Variants in SHISA6 observed in about 807,000 individuals in gnomAD.
SHISA6 encodes shisa family member 6.
A neutral mutation model predicts 47.9 loss-of-function variants in SHISA6; 22 were observed. The observed-to-expected ratio is 0.46, with a 90% CI of 0.33 to 0.66. The LOEUF is 0.66. Ranked by LOEUF, SHISA6 falls within the 30% of genes least tolerant of loss-of-function variation. SHISA6 has a pLI of 0.02. For synonymous variants in SHISA6, 388 were observed against 337.8 expected (o/e 1.15, Z -1.63); for missense variants, 680 against 764.6 (o/e 0.89, Z 1.30).
Position 11,413,134 on chromosome 17 carries a change from G to A in SHISA6, c.895+33625G>A, listed in dbSNP as rs149993317. ...GATCTGTGGATGGGCACTCAGGAAT[G>A]AGTGAAAGCATGTACTTGGATTCCA... On this transcript the variant is annotated intron_variant, in intron 3 of 5. Coordinates refer to ENST00000441885, the MANE Select transcript of SHISA6 (RefSeq NM_207386.4). Among the ~76,000 whole-genome samples, 17 of 152,288 alleles carry A rather than the reference G, an allele frequency of 1.1e-4. No homozygotes were observed. In the East Asian group the frequency reaches 3.3e-3, roughly 29 times the overall value.
At chr17:11,407,356 A>G (rs1027809686) in intron 3 of SHISA6, among the ~76,000 whole-genome samples, 1 of 152,086 alleles carries the variant, frequency 6.6e-6, no homozygotes, top group African/African-American at 2.4e-5. Flanking sequence ...GCTCTAGTCT[A>G]TGCTGCCCTA....
intron 3 of SHISA6, among the ~76,000 whole-genome samples, chr17:11,461,562 C>T (rs1214961273): frequency 6.6e-6 from 1 of 152,122 alleles, no homozygotes; most frequent in African/African-American, 2.4e-5. Flanking sequence ...CAGGATAGGA[C>T]AAGAGGCAGA....
At chr17:11,517,777 T>G (rs1202761665) in intron 3 of SHISA6, among the ~76,000 whole-genome samples, 2 of 152,094 alleles carry the variant, frequency 1.3e-5, no homozygotes, top group Non-Finnish European at 2.9e-5. Context: ...GTACTGGGAT[T>G]TACAGGCTTG....
At chr17:11,521,084 G>C (rs980354576) in intron 3 of SHISA6, among the ~76,000 whole-genome samples, 2 of 151,990 alleles carry the variant, frequency 1.3e-5, no homozygotes, top group African/African-American at 4.8e-5. Flanking sequence ...TTAAAGCTTG[G>C]GTTCAAATTA....
At chr17:11,528,762 C>T (rs1230672508) in intron 3 of SHISA6, among the ~76,000 whole-genome samples, 1 of 152,192 alleles carries the variant, frequency 6.6e-6, no homozygotes, top group African/African-American at 2.4e-5. Flanking sequence ...GGGCAACAGA[C>T]TCCCATAACA....
chr17:11,335,474 A>G lies in SHISA6; in HGVS notation c.800-43940A>G, dbSNP rs1597463453. 2.0e-5 allele frequency among the ~76,000 whole-genome samples: 3 copies of G among 152,264 alleles called. No homozygotes were observed. In the South Asian group the frequency reaches 6.2e-4, roughly 32 times the overall value. On this transcript the variant is annotated intron_variant, in intron 2 of 5. Transcript: ENST00000441885. ...CTCCAAAGGCAGGAAGAGAGGAATG[A>G]ATTTCTGATTGGACAGAAACTGAGG... is the stretch of plus-strand genomic sequence containing the variant.
chr17:11,384,518 G>A (rs79372900), intron 3 of SHISA6, among the ~76,000 whole-genome samples: 4 of 152,106 alleles, frequency 2.6e-5, no homozygotes, highest in South Asian at 2.1e-4. Flanking sequence ...AACTCAGTCC[G>A]GCTGGTTGAT....
chr17:11,412,565 A>G (rs138318642), intron 3 of SHISA6, among the ~76,000 whole-genome samples: 38 of 151,180 alleles, frequency 2.5e-4, no homozygotes, highest in African/African-American at 7.3e-4. Context: ...TTTCTGAGAC[A>G]GAGTCTCACT....
At chr17:11,555,200 G>A (rs1460639542) in intron 4 of SHISA6, among the ~76,000 whole-genome samples, 5 of 152,062 alleles carry the variant, frequency 3.3e-5, no homozygotes, top group African/African-American at 1.2e-4. Context: ...GAGGAGAAAG[G>A]GGCTACATGA....
At chr17:11,286,383 A>G (rs1171672122) in intron 2 of SHISA6, among the ~76,000 whole-genome samples, 1 of 152,066 alleles carries the variant, frequency 6.6e-6, no homozygotes, top group Admixed American at 6.5e-5. Flanking sequence ...TTGACCACCT[A>G]CGGAAGCCTT....
At chr17:11,411,054 C>T (rs1340537712) in intron 3 of SHISA6, among the ~76,000 whole-genome samples, 4 of 152,052 alleles carry the variant, frequency 2.6e-5, no homozygotes, top group African/African-American at 7.3e-5. Context: ...CTGCAAACTC[C>T]GCCTCCCAGG....
chr17:11,272,253 A>G (rs1908704959), intron 2 of SHISA6, among the ~76,000 whole-genome samples: 1 of 152,128 alleles, frequency 6.6e-6, no homozygotes, highest in Admixed American at 6.6e-5. Flanking sequence ...ATAGCTCCCC[A>G]GCCATGCTCT....
rs1342562829 is a variant in SHISA6 at position 11,349,717 on chromosome 17, C to A, written c.800-29697C>A. Among the ~76,000 whole-genome samples, 8 of 152,250 alleles carry A rather than the reference C, an allele frequency of 5.3e-5. No homozygotes were observed. The East Asian group carries it at 9.7e-4, about 18-fold the overall frequency. ...GCAGTATTCTACCTGTCAGTCAGCTCCACTATCTGCTAAGTCAGATAACTG... is the reference window on the plus strand; with the variant it reads ...GCAGTATTCTACCTGTCAGTCAGCTACACTATCTGCTAAGTCAGATAACTG... On this transcript the variant is annotated intron_variant, in intron 2 of 5. Transcript: ENST00000441885.
intron 3 of SHISA6, among the ~76,000 whole-genome samples, chr17:11,474,678 T>C (rs56696888): frequency 0.065 from 9,917 of 152,272 alleles, 393 homozygotes; most frequent in Non-Finnish European, 0.089. Context: ...GTTTTTTCAC[T>C]AATACCACAC....
chr17:11,549,873 T>A (rs1455207000), intron 3 of SHISA6, among the ~76,000 whole-genome samples: 2 of 152,216 alleles, frequency 1.3e-5, no homozygotes, highest in Non-Finnish European at 2.9e-5. Context: ...GAAAAAATGT[T>A]TTTTAATCTC....
At chr17:11,313,989 A>G (rs1037216600) in intron 2 of SHISA6, among the ~76,000 whole-genome samples, 1 of 152,182 alleles carries the variant, frequency 6.6e-6, no homozygotes, top group South Asian at 2.1e-4. Flanking sequence ...GAGGCAAAAG[A>G]GGTATCTGGG....
At chr17:11,418,775 C>T (rs1394050147) in intron 3 of SHISA6, among the ~76,000 whole-genome samples, 5 of 152,196 alleles carry the variant, frequency 3.3e-5, no homozygotes, top group Non-Finnish European at 7.3e-5. Context: ...CTGCCTACTG[C>T]TGTCATCACA....
chr17:11,344,206 A>T (rs1039903158), intron 2 of SHISA6, among the ~76,000 whole-genome samples: 1 of 152,214 alleles, frequency 6.6e-6, no homozygotes, highest in Non-Finnish European at 1.5e-5. Flanking sequence ...AAGAGATTTT[A>T]TGTAATCTGG....
chr17:11,306,014 C>T (rs914889277), intron 2 of SHISA6, among the ~76,000 whole-genome samples: 10 of 152,164 alleles, frequency 6.6e-5, no homozygotes, highest in Admixed American at 2.6e-4. Flanking sequence ...CATCTGCCAC[C>T]GTGCCCCAAA....
Sources: gnomAD v4.1 joint callset for allele counts (sites outside exome capture counted in the v4.1 genomes callset) on GRCh38, gnomAD v4.1.1 for gene constraint, MANE v1.5 for transcripts, NCBI Gene and HGNC (gene_info 2026-07-23, HGNC 2026-07-21) for gene names.